Variants in RBP4 observed in about 807,000 individuals in gnomAD.
RBP4 encodes the protein retinol binding protein 4, also known as retinol-binding protein 4.
Under a neutral mutation model 26.2 loss-of-function variants are expected in RBP4, and 9 were observed. The ratio of observed to expected loss-of-function variants is 0.34; its 90% confidence interval spans 0.21 to 0.60. The LOEUF (loss-of-function observed/expected upper bound fraction) is 0.60. Among genes scored for constraint, RBP4 ranks in the 20% least tolerant of loss-of-function variants. RBP4 has a pLI of 0.80. For missense variants in RBP4, 244 were observed against 271.3 expected, an observed-to-expected ratio of 0.90 and a Z score of 0.71; for synonymous variants, 114 against 111.0, an observed-to-expected ratio of 1.03 and a Z score of -0.17.
At chr10:93,601,711 A>C (rs757592156), upstream of RBP4, 2 of 778,972 alleles carry the variant, frequency 2.6e-6, no homozygotes, top group Non-Finnish European at 4.8e-6. Context: ...TTTTGGAATA[A>C]TTCATCCAAG....
chr10:93,592,002 C>T lies in RBP4; in HGVS notation c.*73G>A. ...GATGGGGAGAGAAGGGCAAATTAAACTCCTAAGATAAATAGAGCTGAAGAC... is the reference window on the plus strand; with the variant it reads ...GATGGGGAGAGAAGGGCAAATTAAATTCCTAAGATAAATAGAGCTGAAGAC... On this transcript the variant is annotated 3_prime_UTR_variant, in exon 6 of 6. Transcript: ENST00000371464. 1.5e-6 allele frequency: 2 copies of T among 1,313,074 alleles called. No homozygotes were observed. The highest frequency in any genetic ancestry group is 2.2e-6 in the Non-Finnish European group (2 of 906,688). 81.3% of individuals were successfully genotyped at this position (1,313,074 alleles called of 1,614,324 possible).
chr10:93,600,695 T>A lies in RBP4; in HGVS notation c.220A>T (p.Thr74Ser). 1 of 1,611,162 alleles carries A rather than the reference T, an allele frequency of 6.2e-7. No individual in the cohort carries two copies. Among genetic ancestry groups the A allele is most frequent in the East Asian group, 2.2e-5 (1 of 44,806 alleles). The change falls in exon 3 of 6, where the codon ACA (threonine) becomes TCA (serine). Residue 74 changes from threonine to serine, a missense_variant. Coordinates refer to ENST00000371464, the MANE Select transcript of RBP4 (RefSeq NM_006744.4). The part of the protein sequence containing the change: ...SVDETGQMSA[T>S]AKGRVRLLNN... ...AAAAGACGGACTCGGCCCTTGGCTG[T>A]GGCGCTCATCTGGCCGGTCTCGTCC...
Position 93,593,976 on chromosome 10 carries a change from G to A in RBP4, c.415C>T (p.Arg139Cys), listed in dbSNP as rs377707619. The change falls in exon 5 of 6, where the codon CGC (arginine) becomes TGC (cysteine). Residue 139 changes from arginine (R) to cysteine (C), a missense_variant. Coordinates refer to ENST00000371464, the MANE Select transcript of RBP4 (RefSeq NM_006744.4). ...YDTYAVQYSCRLLNLDGTCAD... is the reference protein window; with the variant it reads ...YDTYAVQYSCCLLNLDGTCAD... ...CAGGTGCCATCGAGGTTCAGGAGGC[G>A]GCAGGAGTACTGCACGGCATACGTG... 9.9e-6 allele frequency: 16 copies of A among 1,613,870 alleles called. No individual in the cohort carries two copies. The highest frequency in any genetic ancestry group is 1.3e-5 in the African/African-American group (1 of 74,906).
rs772637305 is a variant in RBP4, at chr10:93,593,905, C to A, written c.486G>T (p.Leu162=). 6.2e-7 allele frequency: 1 copy of A among 1,613,902 alleles called. No homozygotes were observed. Among genetic ancestry groups the A allele is most frequent in the Admixed American group, 1.7e-5 (1 of 60,018 alleles). ...TTACAATCTTCTGCGCTTCTGGGGG[C>A]AGGCCGTTGGGGTCCCGGGAAAACA... ...SFVFSRDPNG[L]PPEAQKIVRQ... The change falls in exon 5 of 6, where the codon CTG becomes CTT. Residue 162 remains leucine, a synonymous_variant. Coordinates refer to ENST00000371464, the MANE Select transcript of RBP4 (RefSeq NM_006744.4).
upstream of RBP4, chr10:93,601,557 G>A: frequency 1.4e-5 from 9 of 665,042 alleles, no homozygotes; most frequent in South Asian, 1.5e-4. Context: ...GCTCTGGCAG[G>A]AGGCTCGAGT....
rs1329285216 is a variant in RBP4, at chr10:93,593,997, A to T, written c.394T>A (p.Tyr132Asn). The T allele has an allele frequency of 1.2e-6, 2 of 1,613,852 alleles. No individual in the cohort carries two copies. Among genetic ancestry groups the T allele is most frequent in the Non-Finnish European group, 1.7e-6 (2 of 1,180,032 alleles). The part of the protein sequence containing the change: ...HWIVDTDYDT[Y>N]AVQYSCRLLN... ...AGGCGGCAGGAGTACTGCACGGCATACGTGTCGTAGTCTGTGTCGACGATC... is the reference window on the plus strand; with the variant it reads ...AGGCGGCAGGAGTACTGCACGGCATTCGTGTCGTAGTCTGTGTCGACGATC... Residue 132 changes from tyrosine (Y) to asparagine (N), a missense_variant, in exon 5 of 6, where the codon TAT (tyrosine) becomes AAT (asparagine). Physicochemically the swap from Tyr to Asn is moderately radical, Grantham distance 143 (BLOSUM62 -2). Transcript: ENST00000371464.
Position 93,600,795 on chromosome 10 carries a change from C to A in RBP4, c.120G>T (p.Gly40=). The change falls in exon 3 of 6, where the codon GGG becomes GGT. Residue 40 remains glycine (G), a synonymous_variant. Transcript: ENST00000371464. The part of the protein sequence containing the change: ...KENFDKARFS[G]TWYAMAKKDP... ...CCTTCTTGGCCATGGCGTACCAGGT[C>A]CCAGAGAACTGTGAGAAGGATGACA... 2 of 1,611,270 alleles carry A rather than the reference C, an allele frequency of 1.2e-6. No individual in the cohort carries two copies. The highest frequency in any genetic ancestry group is 1.7e-6 in the Non-Finnish European group (2 of 1,178,722).
At chr10:93,601,605 G>A, upstream of RBP4, 3 of 746,888 alleles carry the variant, frequency 4.0e-6, no homozygotes, top group South Asian at 2.9e-5. Flanking sequence ...CAGAGCGAGA[G>A]CGGACCCGCG....
At chr10:93,597,893 G>A (rs1210835285) in intron 4 of RBP4, among the ~76,000 whole-genome samples, 2 of 152,094 alleles carry the variant, frequency 1.3e-5, no homozygotes, top group East Asian at 1.9e-4. Context: ...ACCATGGTCA[G>A]GGAAGAAACT....
chr10:93,592,455 C>T (rs923279601), intron 5 of RBP4, among the ~76,000 whole-genome samples: 1 of 152,166 alleles, frequency 6.6e-6, no homozygotes, highest in African/African-American at 2.4e-5. Flanking sequence ...GCCAAGGCAG[C>T]CTGACCTGGG....
At chr10:93,601,737 T>C (rs1324723702), upstream of RBP4, 1 of 775,778 alleles carries the variant, frequency 1.3e-6, no homozygotes, top group South Asian at 1.4e-5. Context: ...TTTCATTTTA[T>C]AAAGGATGTA....
chr10:93,598,964 C>A (rs997485981), intron 4 of RBP4, among the ~76,000 whole-genome samples: 1 of 152,098 alleles, frequency 6.6e-6, no homozygotes, highest in Non-Finnish European at 1.5e-5. Flanking sequence ...TAAGCTTTTT[C>A]TCTACCAGGT....
At chr10:93,595,940 A>G (rs146461854) in intron 4 of RBP4, among the ~76,000 whole-genome samples, 2 of 152,252 alleles carry the variant, frequency 1.3e-5, no homozygotes, top group Admixed American at 1.3e-4. Context: ...CTCAGCAGGA[A>G]CCATAAAGTT....
chr10:93,601,625 G>A (rs746004782), upstream of RBP4: 1 of 769,740 alleles, frequency 1.3e-6, no homozygotes, highest in Non-Finnish European at 2.4e-6. Context: ...GAGGCTCCCT[G>A]GTGCGTGAGT....
chr10:93,600,335 C>T (rs1431399484), intron 4 of RBP4, 58 bp downstream of exon 4: 1 of 1,453,508 alleles, frequency 6.9e-7, no homozygotes, highest in Non-Finnish European at 9.7e-7. Flanking sequence ...AGAAACCCAG[C>T]GATTTGGCCC....
chr10:93,594,083 G>A (rs778184050), intron 4 of RBP4, 48 bp from the exon 5 acceptor site: 1 of 1,575,260 alleles, frequency 6.3e-7, no homozygotes, highest in Admixed American at 1.7e-5. Flanking sequence ...TCCCTCATGG[G>A]CTCAGATGTC....
At position 93,594,150 on chromosome 10, in the gene RBP4, T is replaced by C. The variant is rs1421678727; in HGVS notation, c.356-115A>G. The C allele has an allele frequency of 4.9e-6, 5 of 1,025,960 alleles. No individual in the cohort carries two copies. In the African/African-American group the frequency reaches 7.9e-5, roughly 16 times the overall value. 63.6% of individuals were successfully genotyped at this position (1,025,960 alleles called of 1,614,324 possible). On this transcript the variant is annotated intron_variant, in intron 4 of 5. Transcript: ENST00000371464. Reference sequence around the variant, plus strand: ...GTGACTTCCAGAAGCTGGTTTTATTTCTTTAGGAAGCAGGACACTTCAGAG... The same window carrying C: ...GTGACTTCCAGAAGCTGGTTTTATTCCTTTAGGAAGCAGGACACTTCAGAG...
At chr10:93,592,986 T>G (rs1480975528) in intron 5 of RBP4, among the ~76,000 whole-genome samples, 1 of 152,078 alleles carries the variant, frequency 6.6e-6, no homozygotes, top group Non-Finnish European at 1.5e-5. Context: ...CCTGGCTAAT[T>G]TTTGTATTTT....
upstream of RBP4, chr10:93,601,582 G>T: frequency 1.4e-6 from 1 of 697,980 alleles, no homozygotes. Context: ...CTGGCGGGAA[G>T]ACCGTGGCCT....
Sources: gnomAD v4.1 joint callset for allele counts (sites outside exome capture counted in the v4.1 genomes callset) on GRCh38, gnomAD v4.1.1 for gene constraint, MANE v1.5 for transcripts, NCBI Gene and HGNC (gene_info 2026-07-23, HGNC 2026-07-21) for gene names.